FAM111B: variants seen among roughly 807,000 people sequenced by gnomAD.
The protein encoded by FAM111B is FAM111 trypsin like peptidase B, also known as serine protease FAM111B.
A neutral mutation model predicts 2.8 loss-of-function variants in FAM111B; 1 was observed. The ratio of observed to expected loss-of-function variants is 0.36; its 90% CI spans 0.13 to 1.70. The LOEUF (loss-of-function observed/expected upper bound fraction) is 1.70, where lower values mean the gene tolerates loss of function less well. Ranked by LOEUF, FAM111B falls within the 40% of genes most tolerant of loss-of-function variation. The pLI, the probability that FAM111B is intolerant of heterozygous loss-of-function variation, is 0.35. For synonymous variants in FAM111B, 297 were observed against 295.6 expected, an observed-to-expected ratio of 1.00 and a Z score of -0.05; for missense variants, 882 against 878.9, an observed-to-expected ratio of 1.00 and a Z score of -0.04.
At position 59,125,607 on chromosome 11, in the gene FAM111B, T is replaced by C; in HGVS notation, c.1510T>C (p.Leu504=). The change falls in exon 4 of 4, where the codon TTG becomes CTG. Residue 504 remains leucine, a synonymous_variant. Coordinates refer to ENST00000343597, the MANE Select transcript of FAM111B (RefSeq NM_198947.4). ...GGTGGGTAAAAACACACATCCAAGT[T>C]TGTGGCCAGATATAATTAGCAAATG... ...LMVGKNTHPS[L]WPDIISKCAK... 6.2e-7 allele frequency: 1 copy of C among 1,613,970 alleles called. No individual in the cohort carries two copies. The highest frequency in any genetic ancestry group is 1.1e-5 in the South Asian group (1 of 91,076).
intron 3 of FAM111B, among the ~76,000 whole-genome samples, chr11:59,119,670 T>G (rs1452402427): frequency 1.3e-5 from 2 of 152,188 alleles, no homozygotes; most frequent in African/African-American, 4.8e-5. Context: ...GAAGTTTTCT[T>G]AGCCAGATTA....
rs187842961 is a variant in FAM111B at position 59,107,273 on chromosome 11, C to A, written c.-155C>A. ...GGCGGGCACTGACGGGCACTTGCAC[C>A]GTGTGGACAGACTCTCCGGTTCTGT... is the stretch of plus-strand genomic sequence containing the variant. On this transcript the variant is annotated 5_prime_UTR_variant, in exon 1 of 4. Coordinates refer to ENST00000343597, the MANE Select transcript of FAM111B (RefSeq NM_198947.4). The A allele has an allele frequency of 6.6e-6, 1 of 152,388 alleles. No individual in the cohort carries two copies. The highest frequency in any genetic ancestry group is 2.4e-5 in the African/African-American group (1 of 41,434). The allele number at this position is 152,388 out of a possible 1,614,324, so 9.4% of individuals were successfully genotyped here.
chr11:59,110,387 G>A (rs1859739974), intron 3 of FAM111B, among the ~76,000 whole-genome samples: 1 of 152,170 alleles, frequency 6.6e-6, no homozygotes, highest in African/African-American at 2.4e-5. Flanking sequence ...GTGGTTGTTG[G>A]GCTGGGAATA....
intron 3 of FAM111B, among the ~76,000 whole-genome samples, chr11:59,119,917 T>C (rs913989367): frequency 6.6e-6 from 1 of 152,206 alleles, no homozygotes; most frequent in Non-Finnish European, 1.5e-5. Flanking sequence ...GATGGTATCA[T>C]ATCTATTTTT....
chr11:59,108,927 A>G (rs181935570), intron 2 of FAM111B, among the ~76,000 whole-genome samples: 1 of 152,292 alleles, frequency 6.6e-6, no homozygotes, highest in East Asian at 1.9e-4. Flanking sequence ...GCTTTGTTCT[A>G]GTATGTTCAT....
intron 3 of FAM111B, among the ~76,000 whole-genome samples, chr11:59,110,774 G>A (rs1347165160): frequency 4.6e-5 from 7 of 152,102 alleles, no homozygotes; most frequent in South Asian, 2.1e-4. Flanking sequence ...AAGTAAAGTC[G>A]TGTACACAGG....
intron 2 of FAM111B, among the ~76,000 whole-genome samples, chr11:59,109,283 ACT>A: frequency 6.6e-6 from 1 of 152,056 alleles, no homozygotes. Flanking sequence ...TCTCCCTAGT[ACT>A]CTGTCATACA....
intron 3 of FAM111B, among the ~76,000 whole-genome samples, chr11:59,120,857 T>G (rs1565189142): frequency 6.6e-6 from 1 of 152,078 alleles, no homozygotes; most frequent in Non-Finnish European, 1.5e-5. Context: ...TAATGTGAAT[T>G]TTGAGGGGAC....
Position 59,125,232 on chromosome 11 carries a change from G to T in FAM111B, c.1135G>T (p.Asp379Tyr). The T allele has an allele frequency of 6.2e-7, 1 of 1,613,912 alleles. No individual in the cohort carries two copies. The highest frequency in any genetic ancestry group is 8.5e-7 in the Non-Finnish European group (1 of 1,179,862). The part of the protein sequence containing the change: ...HLGRRYAINL[D>Y]VQKEAINLLK... ...GGGTAGGCGGTATGCTATTAATCTG[G>T]ATGTCCAAAAGGAGGCAATTAATCT... The change falls in exon 4 of 4, where the codon GAT (aspartate) becomes TAT (tyrosine). Residue 379 changes from aspartate (D) to tyrosine (Y), a missense_variant. Transcript: ENST00000343597.
chr11:59,115,318 C>T (rs1446934565), intron 3 of FAM111B, among the ~76,000 whole-genome samples: 2 of 152,182 alleles, frequency 1.3e-5, no homozygotes, highest in Non-Finnish European at 2.9e-5. Context: ...CTGTGCTGTT[C>T]CAGAACCCAC....
Position 59,108,336 on chromosome 11 carries a change from C to T in FAM111B, c.-131-332C>T, listed in dbSNP as rs116674356. Among the ~76,000 whole-genome samples, 1,444 of 152,310 alleles carry T rather than the reference C, an allele frequency of 9.5e-3. 23 individuals carry two copies. Among genetic ancestry groups the T allele is most frequent in the African/African-American group, 0.033 (1,372 of 41,558 alleles). Reference sequence around the variant, plus strand: ...CCTTGGAAAGTTTTCTCAGCTGCTGCTCTGATCAGTACACAGCTGAATGCT... The same window carrying T: ...CCTTGGAAAGTTTTCTCAGCTGCTGTTCTGATCAGTACACAGCTGAATGCT... On this transcript the variant is annotated intron_variant, in intron 1 of 3. Coordinates refer to ENST00000343597, the MANE Select transcript of FAM111B (RefSeq NM_198947.4).
At chr11:59,115,019 A>G (rs2135398214) in intron 3 of FAM111B, among the ~76,000 whole-genome samples, 1 of 152,284 alleles carries the variant, frequency 6.6e-6, no homozygotes, top group Admixed American at 6.5e-5. Context: ...AGGTTCAGAG[A>G]TGGGAGGGTG....
intron 3 of FAM111B, among the ~76,000 whole-genome samples, chr11:59,114,296 A>T (rs536798566): frequency 6.6e-6 from 1 of 152,254 alleles, no homozygotes; most frequent in East Asian, 1.9e-4. Context: ...CAGGGGCCAG[A>T]ACACTCTAGC....
At chr11:59,118,717 G>A (rs1444015534) in intron 3 of FAM111B, among the ~76,000 whole-genome samples, 1 of 152,122 alleles carries the variant, frequency 6.6e-6, no homozygotes, top group Non-Finnish European at 1.5e-5. Context: ...TCATAAGATT[G>A]AAGAAGTTTC....
chr11:59,111,048 G>C (rs1015849593), intron 3 of FAM111B, among the ~76,000 whole-genome samples: 2 of 152,164 alleles, frequency 1.3e-5, no homozygotes, highest in African/African-American at 2.4e-5. Flanking sequence ...GTTTCTTTAA[G>C]GACTTGTTTG....
At chr11:59,118,518 A>C (rs1859873301) in intron 3 of FAM111B, among the ~76,000 whole-genome samples, 1 of 152,202 alleles carries the variant, frequency 6.6e-6, no homozygotes, top group Non-Finnish European at 1.5e-5. Context: ...AGATAATTTT[A>C]CTAATTTCTT....
At chr11:59,109,822 G>A (rs1177059970) in intron 3 of FAM111B, 116 bp downstream of exon 3, 4 of 567,996 alleles carry the variant, frequency 7.0e-6, no homozygotes, top group Non-Finnish European at 1.2e-5. Flanking sequence ...CTCTTAGGTA[G>A]TTTAAAATAT....
At chr11:59,114,408 C>A (rs879443596) in intron 3 of FAM111B, among the ~76,000 whole-genome samples, 5 of 151,960 alleles carry the variant, frequency 3.3e-5, no homozygotes, top group Admixed American at 2.0e-4. Context: ...GAGGAGGGGG[C>A]CTGCAGTGGC....
At position 59,125,200 on chromosome 11, in the gene FAM111B, C is replaced by T. The variant is rs779279723; in HGVS notation, c.1103C>T (p.Pro368Leu). The stretch of plus-strand genomic sequence containing the variant: ...ATAAACTCACAAGTTAGACGGAGGC[C>T]GCATCTGGGTAGGCGGTATGCTATT... ...RQINSQVRRRPHLGRRYAINL... is the reference protein window; with the variant it reads ...RQINSQVRRRLHLGRRYAINL... The change falls in exon 4 of 4, where the codon CCG (proline) becomes CTG (leucine). Residue 368 changes from proline (P) to leucine (L), a missense_variant. Pro to Leu is a moderately conservative substitution (Grantham distance 98). Coordinates refer to ENST00000343597, the MANE Select transcript of FAM111B (RefSeq NM_198947.4). 1.1e-5 allele frequency: 18 copies of T among 1,613,782 alleles called. No individual in the cohort carries two copies. In the Admixed American group the frequency reaches 1.7e-4, roughly 15 times the overall value.
Sources: gnomAD v4.1 joint callset for allele counts (sites outside exome capture counted in the v4.1 genomes callset) on GRCh38, gnomAD v4.1.1 for gene constraint, MANE v1.5 for transcripts, NCBI Gene and HGNC (gene_info 2026-07-23, HGNC 2026-07-21) for gene names.